Variants in NTRK3 observed in about 807,000 individuals in gnomAD.
NTRK3 encodes the protein NT-3 growth factor receptor.
NTRK3 carries 24 observed loss-of-function variants against 91.7 expected under a neutral mutation model. The observed-to-expected ratio is 0.26, with a 90% CI of 0.19 to 0.37. NTRK3 has a LOEUF of 0.37. NTRK3 is among the 10% of genes least tolerant of loss of function. The pLI is 1.00. For missense variants in NTRK3, 880 were observed against 1,068.9 expected, an observed-to-expected ratio of 0.82 and a Z score of 2.46; for synonymous variants, 483 against 404.0, an observed-to-expected ratio of 1.20 and a Z score of -2.34.
chr15:88,186,248 C>G (rs1346164), intron 3 of NTRK3, among the ~76,000 whole-genome samples: 98,087 of 152,008 alleles, frequency 0.65, 32,041 homozygotes, highest in East Asian at 0.77. Flanking sequence ...GTTTAAATCA[C>G]TGAAATCATT....
chr15:88,070,846 A>G (rs1241407793), intron 13 of NTRK3, among the ~76,000 whole-genome samples: 1 of 152,208 alleles, frequency 6.6e-6, no homozygotes, highest in Non-Finnish European at 1.5e-5. Flanking sequence ...TTTAACCAGC[A>G]CCCAAAAAGA....
rs1425310616 is a variant in NTRK3 at position 88,021,158 on chromosome 15, G to A, written c.1585+11699C>T. On this transcript the variant is annotated intron_variant, in intron 14 of 18. Coordinates refer to ENST00000394480, the Ensembl canonical transcript of NTRK3. ...AGATCCCCTGATCCATTTAAGTGGAGGGCACTTAGTGCTCTGCCAGAAATC... is the reference window on the plus strand; with the variant it reads ...AGATCCCCTGATCCATTTAAGTGGAAGGCACTTAGTGCTCTGCCAGAAATC... Among the ~76,000 whole-genome samples the A allele has an allele frequency of 3.3e-5, 5 of 152,330 alleles. No individual in the cohort carries two copies. In the East Asian group the frequency reaches 9.7e-4, roughly 29 times the overall value.
At chr15:87,998,834 A>G (rs2075895148) in intron 14 of NTRK3, among the ~76,000 whole-genome samples, 1 of 151,534 alleles carries the variant, frequency 6.6e-6, no homozygotes, top group South Asian at 2.1e-4. Context: ...CTGGACTGCA[A>G]TGACTTACTG....
intron 13 of NTRK3, among the ~76,000 whole-genome samples, chr15:88,061,207 A>T (rs2046182420): frequency 6.6e-6 from 1 of 152,228 alleles, no homozygotes; most frequent in African/African-American, 2.4e-5. Context: ...TTCATTAGAG[A>T]TGCTTTTAAT....
At chr15:88,074,040 G>A (rs1024892773) in intron 13 of NTRK3, among the ~76,000 whole-genome samples, 1 of 152,190 alleles carries the variant, frequency 6.6e-6, no homozygotes, top group African/African-American at 2.4e-5. Context: ...GCTTGTCTCT[G>A]TCTCTCCGGA....
intron 14 of NTRK3, among the ~76,000 whole-genome samples, chr15:88,017,175 G>A (rs1294223465): frequency 6.6e-6 from 1 of 152,082 alleles, no homozygotes; most frequent in East Asian, 1.9e-4. Flanking sequence ...GGAGGTCTCT[G>A]ATTATTATTT....
At chr15:88,127,860 C>T (rs1229510098) in intron 11 of NTRK3, among the ~76,000 whole-genome samples, 2 of 152,172 alleles carry the variant, frequency 1.3e-5, no homozygotes, top group African/African-American at 2.4e-5. Flanking sequence ...GGATGGGAAG[C>T]TAAGTATCAA....
intron 13 of NTRK3, among the ~76,000 whole-genome samples, chr15:88,057,325 C>G (rs1360895316): frequency 6.6e-6 from 1 of 151,306 alleles, no homozygotes; most frequent in South Asian, 2.1e-4. Context: ...GGCGAAACCC[C>G]GTTTCCACTA....
chr15:88,048,015 T>G (rs923356123), intron 13 of NTRK3, among the ~76,000 whole-genome samples: 6 of 152,200 alleles, frequency 3.9e-5, no homozygotes, highest in African/African-American at 1.4e-4. Context: ...TGAGGCAGTC[T>G]ATAGAGGGGC....
chr15:87,896,276 T>A (rs1283322835), intron 17 of NTRK3, among the ~76,000 whole-genome samples: 1 of 152,024 alleles, frequency 6.6e-6, no homozygotes, highest in African/African-American at 2.4e-5. Context: ...ATAGAGATCA[T>A]CCCGGCCAAT....
intron 17 of NTRK3, among the ~76,000 whole-genome samples, chr15:87,899,430 T>C (rs190444031): frequency 1.3e-4 from 19 of 147,016 alleles, no homozygotes; most frequent in Admixed American, 1.2e-3. Flanking sequence ...GCCCCTTTCA[T>C]GAAGCATTCG....
chr15:88,072,442 T>C (rs2047173694), intron 13 of NTRK3: 1 of 226,672 alleles, frequency 4.4e-6, no homozygotes, highest in South Asian at 1.8e-4. Flanking sequence ...AACTAGCAAT[T>C]TATTCCGGAG....
At position 87,923,286 on chromosome 15, in the gene NTRK3, C is replaced by T. The variant is rs185514300; in HGVS notation, c.2133+5905G>A. Among the ~76,000 whole-genome samples, 163 of 152,284 alleles carry T rather than the reference C, an allele frequency of 1.1e-3. 3 individuals are homozygous for T. Among genetic ancestry groups the T allele is most frequent in the Admixed American group, 9.2e-3 (141 of 15,288 alleles). ...CTTTTTAAATAGGAAGGTCATATAA[C>T]TGGGTTCTTGCCATGAAAGAAAGTG... On this transcript the variant is annotated intron_variant, in intron 17 of 18. Coordinates refer to ENST00000394480, the Ensembl canonical transcript of NTRK3.
chr15:87,910,830 A>G (rs2067049836), intron 17 of NTRK3, among the ~76,000 whole-genome samples: 1 of 152,152 alleles, frequency 6.6e-6, no homozygotes, highest in African/African-American at 2.4e-5. Context: ...GAAAGGGTAA[A>G]TTATTAATAA....
At chr15:88,154,230 C>T (rs1403023653) in intron 5 of NTRK3, among the ~76,000 whole-genome samples, 2 of 152,058 alleles carry the variant, frequency 1.3e-5, no homozygotes, top group African/African-American at 2.4e-5. Context: ...TACTTCTGTG[C>T]ACCATCAGCT....
intron 13 of NTRK3, among the ~76,000 whole-genome samples, chr15:88,095,377 C>G (rs1443642685): frequency 1.3e-5 from 2 of 152,130 alleles, no homozygotes; most frequent in African/African-American, 4.8e-5. Flanking sequence ...AACTGGATGA[C>G]CCAACCCTTC....
intron 13 of NTRK3, among the ~76,000 whole-genome samples, chr15:88,096,196 C>G (rs1438846127): frequency 6.6e-6 from 1 of 152,088 alleles, no homozygotes; most frequent in Non-Finnish European, 1.5e-5. Flanking sequence ...CAGTTTATTC[C>G]AGCATGGGAC....
chr15:87,986,639 G>A (rs1258503468), intron 14 of NTRK3, among the ~76,000 whole-genome samples: 1 of 152,198 alleles, frequency 6.6e-6, no homozygotes, highest in Non-Finnish European at 1.5e-5. Context: ...AGCTAACGAA[G>A]TCCATGATGT....
chr15:87,960,120 A>G (rs922759614), intron 14 of NTRK3, among the ~76,000 whole-genome samples: 4 of 152,192 alleles, frequency 2.6e-5, no homozygotes, highest in Non-Finnish European at 4.4e-5. Flanking sequence ...ATGAAAGACT[A>G]TCTGTTCATC....
Sources: gnomAD v4.1 joint callset for allele counts (sites outside exome capture counted in the v4.1 genomes callset) on GRCh38, gnomAD v4.1.1 for gene constraint, MANE v1.5 for transcripts, NCBI Gene and HGNC (gene_info 2026-07-23, HGNC 2026-07-21) for gene names.